Variants in ZBTB38 observed in about 807,000 individuals in gnomAD.
ZBTB38 encodes the protein zinc finger and BTB domain containing 38, also known as zinc finger and BTB domain-containing protein 38.
Under a neutral mutation model 76.8 loss-of-function variants are expected in ZBTB38, and 20 were observed. The ratio of observed to expected loss-of-function variants is 0.26; its 90% CI spans 0.18 to 0.38. ZBTB38 has a LOEUF of 0.38. Ranked by LOEUF, ZBTB38 falls within the 10% of genes least tolerant of loss-of-function variation. The probability of loss-of-function intolerance (pLI) is 1.00; values close to 1 mark genes in which losing one functional copy is unlikely to be tolerated. For synonymous variants in ZBTB38, 504 were observed against 544.2 expected, an observed-to-expected ratio of 0.93 and a Z score of 1.03; for missense variants, 1,082 against 1,482.3, an observed-to-expected ratio of 0.73 and a Z score of 4.43.
chr3:141,365,730 G>A (rs1943946639), upstream of ZBTB38, among the ~76,000 whole-genome samples: 1 of 152,052 alleles, frequency 6.6e-6, no homozygotes, highest in African/African-American at 2.4e-5. Flanking sequence ...GGTAGGTGGG[G>A]ACAAATGAAG....
At chr3:141,340,962 G>GA (rs745536086) in intron 1 of ZBTB38, among the ~76,000 whole-genome samples, 173 of 131,664 alleles carry the variant, frequency 1.3e-3, no homozygotes, top group African/African-American at 3.8e-3. Context: ...AAGAAAGAAA[G>GA]AAAGAAAGAA....
chr3:141,395,102 A>T (rs1950033485), intron 4 of ZBTB38, among the ~76,000 whole-genome samples: 1 of 152,232 alleles, frequency 6.6e-6, no homozygotes, highest in African/African-American at 2.4e-5. Flanking sequence ...GAGTTTAAAG[A>T]TCTACTTGGT....
chr3:141,390,656 T>C (rs1948577492), intron 4 of ZBTB38, among the ~76,000 whole-genome samples: 1 of 152,222 alleles, frequency 6.6e-6, no homozygotes, highest in South Asian at 2.1e-4. Context: ...CCTGGTACCA[T>C]GTGGTTCATT....
chr3:141,431,388 G>A (rs1012847124), intron 5 of ZBTB38, among the ~76,000 whole-genome samples: 1 of 145,892 alleles, frequency 6.9e-6, no homozygotes, highest in Non-Finnish European at 1.5e-5. Context: ...GTGGAATTTG[G>A]GTAAAACAAG....
At position 141,443,393 on chromosome 3, in the gene ZBTB38, A is replaced by G; in HGVS notation, c.1005A>G (p.Ala335=). 1 of 1,614,260 alleles carries G rather than the reference A, an allele frequency of 6.2e-7. No homozygotes were observed. ...QSSDVPGPPA[A]EVPPLVYNCS... ...CTGATGTTCCCGGGCCGCCAGCCGC[A>G]GAGGTTCCACCTCTGGTGTACAATT... The change falls in exon 6 of 6, where the codon GCA becomes GCG. Residue 335 remains alanine (A), a synonymous_variant. Transcript: ENST00000321464. This position sits in a 1 kb window ranked among gnomAD's most constrained non-coding sequence, Gnocchi z 5.6.
At position 141,444,302 on chromosome 3, in the gene ZBTB38, T is replaced by C; in HGVS notation, c.1914T>C (p.Cys638=). The change falls in exon 6 of 6, where the codon TGT becomes TGC. Residue 638 remains cysteine, a synonymous_variant. Transcript: ENST00000321464. The surrounding 1 kb of genome is among the most constrained non-coding windows in gnomAD (Gnocchi z 5.1). ...CCATCCCATTGGAAACATCTGCATGTCAGGACATACCCACTTCTGCCAATG... is the reference window on the plus strand; with the variant it reads ...CCATCCCATTGGAAACATCTGCATGCCAGGACATACCCACTTCTGCCAATG... ...SPAIPLETSA[C]QDIPTSANVQ... 6.2e-7 allele frequency: 1 copy of C among 1,614,212 alleles called. No individual in the cohort carries two copies. Among genetic ancestry groups the C allele is most frequent in the Non-Finnish European group, 8.5e-7 (1 of 1,180,032 alleles).
rs1029127221 is a variant in ZBTB38 at position 141,449,053 on chromosome 3, C to T, written c.*3077C>T. 1 of 152,204 alleles carries T rather than the reference C, an allele frequency of 6.6e-6. No individual in the cohort carries two copies. The highest frequency in any genetic ancestry group is 2.4e-5 in the African/African-American group (1 of 41,442). 9.4% of individuals were successfully genotyped at this position (152,204 alleles called of 1,614,324 possible). A position where few individuals can be genotyped will look rare whatever the true frequency, so the allele number is the denominator to read the frequency against. On this transcript the variant is annotated 3_prime_UTR_variant, in exon 6 of 6. Transcript: ENST00000321464. ...GCACTGGGCAATGTCTTTACATAGG[C>T]TATTTCATTAACACACACGCACCAG...
At chr3:141,390,752 C>CAAT (rs1948627034) in intron 4 of ZBTB38, among the ~76,000 whole-genome samples, 1 of 152,228 alleles carries the variant, frequency 6.6e-6, no homozygotes, top group Non-Finnish European at 1.5e-5. Flanking sequence ...GCATCTGCTA[C>CAAT]ATGCCAGGCA....
At position 141,443,805 on chromosome 3, in the gene ZBTB38, T is replaced by C; in HGVS notation, c.1417T>C (p.Ser473Pro). The C allele has an allele frequency of 6.2e-7, 1 of 1,613,960 alleles. No individual in the cohort carries two copies. Among genetic ancestry groups the C allele is most frequent in the Non-Finnish European group, 8.5e-7 (1 of 1,180,030 alleles). Reference protein sequence around the residue: ...VVCKRSYVTLSSLRRHANVHS... With the variant: ...VVCKRSYVTLPSLRRHANVHS... The stretch of plus-strand genomic sequence containing the variant: ...GTGCAAACGTAGTTATGTGACCTTA[T>C]CTAGCCTCCGAAGACATGCAAATGT... Residue 473 changes from serine to proline, a missense_variant, in exon 6 of 6, where the codon TCT (serine) becomes CCT (proline). Ser to Pro is a moderately conservative substitution (Grantham distance 74). Coordinates refer to ENST00000321464, the MANE Select transcript of ZBTB38 (RefSeq NM_001376113.1). This position sits in a 1 kb window ranked among gnomAD's most constrained non-coding sequence, Gnocchi z 5.6.
chr3:141,352,723 G>A (rs889820298), intron 1 of ZBTB38, among the ~76,000 whole-genome samples: 6 of 152,070 alleles, frequency 3.9e-5, no homozygotes, highest in Non-Finnish European at 2.9e-5. Context: ...AGCTCTCTAG[G>A]CAGAGTAGAG....
chr3:141,394,463 CTT>C (rs1413054502), intron 4 of ZBTB38: 1 of 152,212 alleles, frequency 6.6e-6, no homozygotes, highest in African/African-American at 2.4e-5. Flanking sequence ...AATAAGCAGA[CTT>C]TTTATTCATG....
intron 5 of ZBTB38, among the ~76,000 whole-genome samples, chr3:141,424,818 C>T (rs1035416361): frequency 7.2e-5 from 11 of 152,330 alleles, no homozygotes; most frequent in African/African-American, 2.6e-4. Context: ...AGGAATTTCA[C>T]ATTCCCTAAT....
intron 5 of ZBTB38, among the ~76,000 whole-genome samples, chr3:141,429,807 C>T (rs144699204): frequency 1.8e-3 from 268 of 152,314 alleles, no homozygotes; most frequent in South Asian, 7.5e-3. Context: ...GTGCCGGAAC[C>T]GTGTGCATCA....
chr3:141,439,897 G>T (rs1207387459), intron 5 of ZBTB38, among the ~76,000 whole-genome samples: 1 of 152,148 alleles, frequency 6.6e-6, no homozygotes, highest in African/African-American at 2.4e-5. Context: ...TCCTACAGGG[G>T]CCCAGAGCCG....
chr3:141,353,396 T>C (rs1943575438), intron 1 of ZBTB38, among the ~76,000 whole-genome samples: 4 of 152,092 alleles, frequency 2.6e-5, no homozygotes, highest in Admixed American at 2.6e-4. Flanking sequence ...TCTTAGAAAG[T>C]AGAGAAAAGT....
At chr3:141,434,245 G>A (rs2150634424) in intron 5 of ZBTB38, 1 of 978,704 alleles carries the variant, frequency 1.0e-6, no homozygotes, top group Non-Finnish European at 1.2e-6. Flanking sequence ...GGATTGCCAG[G>A]TAGGGGAACT....
At chr3:141,341,814 C>A (rs1943205246) in intron 1 of ZBTB38, among the ~76,000 whole-genome samples, 1 of 152,156 alleles carries the variant, frequency 6.6e-6, no homozygotes, top group Admixed American at 6.5e-5. Flanking sequence ...GCTGTGAAGA[C>A]ATTGCCAGAA....
chr3:141,393,228 G>A (rs986059362), intron 4 of ZBTB38, among the ~76,000 whole-genome samples: 2 of 152,166 alleles, frequency 1.3e-5, no homozygotes, highest in African/African-American at 4.8e-5. Flanking sequence ...GCTGCCAAAT[G>A]GATATTTTGA....
chr3:141,351,151 C>T (rs1419596541), intron 1 of ZBTB38, among the ~76,000 whole-genome samples: 1 of 152,080 alleles, frequency 6.6e-6, no homozygotes, highest in African/African-American at 2.4e-5. Context: ...TGGTTGTGCT[C>T]AGAACTCAGA....
Sources: allele counts gnomAD v4.1 joint callset (sites outside exome capture counted in the v4.1 genomes callset), GRCh38; gene constraint gnomAD v4.1.1; non-coding constraint Gnocchi (gnomAD v3.1); transcripts MANE v1.5; gene names NCBI Gene and HGNC (gene_info 2026-07-23, HGNC 2026-07-21).